The following HCN1 variants were observed in gnomAD, a reference collection of about 807,000 sequenced individuals.
HCN1 encodes the protein potassium/sodium hyperpolarization-activated cyclic nucleotide-gated channel 1.
HCN1 carries 13 observed loss-of-function variants against 78.9 expected under a neutral mutation model. The ratio of observed to expected loss-of-function variants is 0.16; its 90% CI spans 0.11 to 0.26. The LOEUF is 0.26. HCN1 is among the 10% of genes least tolerant of loss of function. The pLI, the probability that HCN1 is intolerant of heterozygous loss-of-function variation, is 1.00. For missense variants in HCN1, 810 were observed against 1,154.3 expected (o/e 0.70, Z 4.32); for synonymous variants, 552 against 455.5 (o/e 1.21, Z -2.70).
intron 5 of HCN1, among the ~76,000 whole-genome samples, chr5:45,348,335 C>T (rs1259625729): frequency 6.6e-6 from 1 of 152,122 alleles, no homozygotes; most frequent in African/African-American, 2.4e-5. Context: ...TTGTCACCAG[C>T]AGGCCTGCCC....
At position 45,696,372 on chromosome 5, in the gene HCN1, G is replaced by C. The variant is rs78789554; in HGVS notation, c.-279C>G. ...GGCTGCCGGAGCTAGGCGAGGCTCA[G>C]CTCGGCTCAGCCCTCGCGCCCCAGC... On this transcript the variant is annotated 5_prime_UTR_variant, in exon 1 of 8. Transcript: ENST00000303230. 6.5e-6 allele frequency: 1 copy of C among 154,188 alleles called. No homozygotes were observed. The highest frequency in any genetic ancestry group is 1.4e-5 in the Non-Finnish European group (1 of 69,534). 9.6% of individuals were successfully genotyped at this position (154,188 alleles called of 1,614,324 possible). A position where few individuals can be genotyped will look rare whatever the true frequency, so the allele number is the denominator to read the frequency against.
intron 6 of HCN1, among the ~76,000 whole-genome samples, chr5:45,280,175 T>G (rs1343614732): frequency 6.6e-6 from 1 of 152,154 alleles, no homozygotes; most frequent in Non-Finnish European, 1.5e-5. Context: ...TAAAATACTC[T>G]AGTCCTAGAA....
At chr5:45,632,920 T>C (rs1475404284) in intron 2 of HCN1, among the ~76,000 whole-genome samples, 2 of 152,018 alleles carry the variant, frequency 1.3e-5, no homozygotes, top group African/African-American at 2.4e-5. Flanking sequence ...TTTTCAGAAC[T>C]ACAGGATAAC....
intron 1 of HCN1, among the ~76,000 whole-genome samples, chr5:45,649,436 C>A (rs1345804766): frequency 6.6e-6 from 1 of 152,074 alleles, no homozygotes; most frequent in African/African-American, 2.4e-5. Context: ...TCAACCAGAG[C>A]CCACAGTTTA....
chr5:45,630,765 G>T (rs1745256419), intron 2 of HCN1, among the ~76,000 whole-genome samples: 1 of 151,966 alleles, frequency 6.6e-6, no homozygotes, highest in Non-Finnish European at 1.5e-5. Flanking sequence ...TTTCTCCCTG[G>T]AGCCTTCCTT....
chr5:45,353,367 C>A, intron 4 of HCN1, 121 bp from the exon 5 acceptor site: 1 of 757,118 alleles, frequency 1.3e-6, no homozygotes, highest in South Asian at 1.7e-5. Flanking sequence ...AAAAGAAATC[C>A]TTTAAGATGA....
At chr5:45,485,935 G>A (rs1318164192) in intron 2 of HCN1, among the ~76,000 whole-genome samples, 1 of 152,154 alleles carries the variant, frequency 6.6e-6, no homozygotes, top group Non-Finnish European at 1.5e-5. Flanking sequence ...CAAGCTAAGT[G>A]ACAATAATAC....
intron 5 of HCN1, among the ~76,000 whole-genome samples, chr5:45,326,265 C>T (rs1262841036): frequency 2.0e-5 from 3 of 151,600 alleles, no homozygotes; most frequent in African/African-American, 7.3e-5. Context: ...AAATGTATAT[C>T]TTTATTGTCA....
intron 2 of HCN1, among the ~76,000 whole-genome samples, chr5:45,489,859 C>A (rs553942242): frequency 6.6e-6 from 1 of 152,238 alleles, no homozygotes; most frequent in African/African-American, 2.4e-5. Flanking sequence ...ACATGACAAA[C>A]AACTAACCTA....
At chr5:45,364,641 C>A (rs1189797528) in intron 4 of HCN1, among the ~76,000 whole-genome samples, 2 of 152,060 alleles carry the variant, frequency 1.3e-5, no homozygotes, top group African/African-American at 2.4e-5. Context: ...CTGTTTCCAA[C>A]GTATTTTACT....
intron 2 of HCN1, among the ~76,000 whole-genome samples, chr5:45,581,538 G>A (rs1220135419): frequency 6.6e-6 from 1 of 152,124 alleles, no homozygotes; most frequent in Non-Finnish European, 1.5e-5. Context: ...GATCCCATTT[G>A]TCAATTTTGG....
At chr5:45,292,216 ATTATC>A (rs1248466274) in intron 6 of HCN1, among the ~76,000 whole-genome samples, 5 of 152,004 alleles carry the variant, frequency 3.3e-5, no homozygotes, top group Non-Finnish European at 7.4e-5. Flanking sequence ...GCAAATCTCC[ATTATC>A]TTAATCTTAC....
At position 45,478,596 on chromosome 5, in the gene HCN1, G is replaced by C. The variant is rs967767743; in HGVS notation, c.850-16589C>G. The stretch of plus-strand genomic sequence containing the variant: ...TTCTGAAAGAAAAGAATCACAGTGA[G>C]AGAGATCAACCAATGAATGTAAGGG... On this transcript the variant is annotated intron_variant, in intron 2 of 7. Transcript: ENST00000303230. Among the ~76,000 whole-genome samples, 3 of 152,180 alleles carry C rather than the reference G, an allele frequency of 2.0e-5. No homozygotes were observed. In the East Asian group the frequency reaches 5.8e-4, roughly 29 times the overall value.
intron 1 of HCN1, chr5:45,695,165 A>G (rs867939208): frequency 6.4e-6 from 1 of 156,968 alleles, no homozygotes; most frequent in East Asian, 1.9e-4. Context: ...CAGACTAAAC[A>G]CACTCCCCAG....
intron 2 of HCN1, among the ~76,000 whole-genome samples, chr5:45,522,523 A>C (rs1742636067): frequency 6.6e-6 from 1 of 152,006 alleles, no homozygotes; most frequent in Admixed American, 6.6e-5. Context: ...AGCAAAAATT[A>C]ATCTTACTTA....
intron 3 of HCN1, among the ~76,000 whole-genome samples, chr5:45,399,801 C>T (rs1739757056): frequency 6.6e-6 from 1 of 152,000 alleles, no homozygotes; most frequent in Admixed American, 6.6e-5. Context: ...AATAAAAGTC[C>T]TGCTCATATT....
At position 45,363,101 on chromosome 5, in the gene HCN1, TATA is replaced by T. The variant is rs1197935197; in HGVS notation, c.1231-9858_1231-9856del. Among the ~76,000 whole-genome samples the T allele has an allele frequency of 2.3e-4, 34 of 145,794 alleles. 1 individual carries two copies. Among genetic ancestry groups the T allele is most frequent in the South Asian group, 1.5e-3 (7 of 4,716 alleles). On this transcript the variant is annotated intron_variant, in intron 4 of 7. Coordinates refer to ENST00000303230, the MANE Select transcript of HCN1 (RefSeq NM_021072.4). Reference sequence around the variant, plus strand: ...TATACATATTTGTGATCTGAATATATATAATATTTACATATTATATATATAACA... The same window carrying T: ...TATACATATTTGTGATCTGAATATATATATTTACATATTATATATATAACA...
intron 4 of HCN1, among the ~76,000 whole-genome samples, chr5:45,378,433 T>C (rs1747735126): frequency 6.6e-6 from 1 of 152,062 alleles, no homozygotes; most frequent in Admixed American, 6.6e-5. Context: ...GGAGTAACCG[T>C]ATATGTTCCA....
chr5:45,477,218 C>CA (rs976763854), intron 2 of HCN1, among the ~76,000 whole-genome samples: 83 of 146,138 alleles, frequency 5.7e-4, no homozygotes, highest in African/African-American at 7.8e-4. Flanking sequence ...GGGATTCAAC[C>CA]AAAAAAAAAA....
Sources: allele counts gnomAD v4.1 joint callset (sites outside exome capture counted in the v4.1 genomes callset), GRCh38; gene constraint gnomAD v4.1.1; transcripts MANE v1.5; gene names NCBI Gene and HGNC (gene_info 2026-07-23, HGNC 2026-07-21).